DLL3: variants seen among roughly 807,000 people sequenced by gnomAD.
DLL3 encodes delta-like protein 3.
DLL3 carries 49 observed loss-of-function variants against 55.0 expected under a neutral mutation model. That is an observed-to-expected ratio of 0.89 (90% CI 0.71 to 1.13). DLL3 has a LOEUF of 1.13. Ranked by LOEUF, DLL3 falls within the 50% of genes most tolerant of loss-of-function variation. The pLI is 0.00. For missense variants in DLL3, 962 were observed against 875.5 expected (o/e 1.10, Z -1.25); for synonymous variants, 421 against 385.2 (o/e 1.09, Z -1.09).
rs866809563 is a variant in DLL3 at position 39,508,193 on chromosome 19, G to A, written c.1759-59G>A. 7.4e-6 allele frequency: 12 copies of A among 1,613,726 alleles called. No individual in the cohort carries two copies. The Middle Eastern group carries it at 4.9e-4, about 66-fold the overall frequency. On this transcript the variant is annotated intron_variant, in intron 8 of 8. Coordinates refer to ENST00000356433, the MANE Select transcript of DLL3 (RefSeq NM_203486.3). ...CTTTTCCACTGATTGTACTCAGCGG[G>A]GAGGCAGGGGAGGCAGAGGGGCAGC...
Position 39,507,066 on chromosome 19 carries a change from C to T in DLL3, c.1121C>T (p.Ala374Val). Residue 374 changes from alanine to valine, a missense_variant, in exon 7 of 9, where the codon GCC (alanine) becomes GTC (valine). Transcript: ENST00000356433. The part of the protein sequence containing the change: ...NGGLCLDLGH[A>V]LRCRCRAGFA... ...GGACTCTGCCTGGACCTGGGCCACG[C>T]CCTGCGCTGCCGCTGCCGCGCCGGC... 1 of 1,540,754 alleles carries T rather than the reference C, an allele frequency of 6.5e-7. No individual in the cohort carries two copies. The highest frequency in any genetic ancestry group is 8.7e-7 in the Non-Finnish European group (1 of 1,150,286).
chr19:39,504,870 A>C (rs2079631260), intron 5 of DLL3, among the ~76,000 whole-genome samples: 1 of 151,956 alleles, frequency 6.6e-6, no homozygotes, highest in Non-Finnish European at 1.5e-5. Context: ...TGGGAAGGAG[A>C]GATCCAGAGA....
intron 3 of DLL3, among the ~76,000 whole-genome samples, chr19:39,501,537 G>T (rs1217565830): frequency 6.6e-6 from 1 of 152,086 alleles, no homozygotes; most frequent in East Asian, 1.9e-4. Flanking sequence ...GCCCAGGCTG[G>T]TCTCAAACTC....
Position 39,499,466 on chromosome 19 carries a change from C to T in DLL3, c.344C>T (p.Ala115Val), listed in dbSNP as rs1386804146. 1.9e-6 allele frequency: 3 copies of T among 1,589,688 alleles called. No homozygotes were observed. The highest frequency in any genetic ancestry group is 2.6e-6 in the Non-Finnish European group (3 of 1,175,770). Residue 115 changes from alanine (A) to valine (V), a missense_variant, in exon 2 of 9, where the codon GCC becomes GTC. Coordinates refer to ENST00000356433, the MANE Select transcript of DLL3 (RefSeq NM_203486.3). ...DGLLQVPFRD[A>V]WPGTFSFIIE... ...CTCTTGCAGGTGCCCTTCCGGGACGCCTGGCCTGTAAGTGCTGCCCCCGGG... is the reference window on the plus strand; with the variant it reads ...CTCTTGCAGGTGCCCTTCCGGGACGTCTGGCCTGTAAGTGCTGCCCCCGGG...
At chr19:39,503,318 C>A (rs1437935022) in intron 4 of DLL3, among the ~76,000 whole-genome samples, 2 of 152,204 alleles carry the variant, frequency 1.3e-5, no homozygotes, top group East Asian at 1.9e-4. Context: ...CCAGCCCTGC[C>A]TTGCTACTCG....
At chr19:39,505,773 T>C (rs2079637011) in intron 6 of DLL3, 1 of 363,506 alleles carries the variant, frequency 2.8e-6, no homozygotes, top group Non-Finnish European at 5.2e-6. Context: ...AGTGTGGTTA[T>C]ACTGAGATGA....
chr19:39,500,202 A>G (rs2079601399), intron 2 of DLL3, among the ~76,000 whole-genome samples: 1 of 151,360 alleles, frequency 6.6e-6, no homozygotes, highest in Non-Finnish European at 1.5e-5. Context: ...TCTAGGCAGG[A>G]GGATCTCCTG....
chr19:39,508,204 A>T, intron 8 of DLL3, 48 bp from the exon 9 acceptor site: 1 of 1,613,880 alleles, frequency 6.2e-7, no homozygotes, highest in East Asian at 2.2e-5. Flanking sequence ...GAGGCAGGGG[A>T]GGCAGAGGGG....
At chr19:39,500,782 G>C (rs1451775416) in intron 3 of DLL3, 110 bp downstream of exon 3, 1 of 974,580 alleles carries the variant, frequency 1.0e-6, no homozygotes, top group Non-Finnish European at 1.6e-6. Flanking sequence ...CTGGGATGTG[G>C]TGCTGAGTGT....
Position 39,499,407 on chromosome 19 carries a change from A to G in DLL3, c.285A>G (p.Gly95=). Residue 95 remains glycine (G), a synonymous_variant, in exon 2 of 9, where the codon GGA becomes GGG. Transcript: ENST00000356433. ...ARGPVYTEQP[G]APAPDLPLPD... ...GACCGGTCTACACCGAGCAGCCCGG[A>G]GCGCCCGCGCCTGATCTCCCACTGC... 6.3e-7 allele frequency: 1 copy of G among 1,584,762 alleles called. No homozygotes were observed. The highest frequency in any genetic ancestry group is 8.5e-7 in the Non-Finnish European group (1 of 1,173,106).
intron 4 of DLL3, among the ~76,000 whole-genome samples, chr19:39,503,817 C>T (rs762051689): frequency 2.6e-5 from 4 of 152,234 alleles, no homozygotes; most frequent in Admixed American, 1.3e-4. Context: ...GACTCCAGCC[C>T]GATGGCCTGG....
chr19:39,504,096 TG>T lies in DLL3; in HGVS notation c.679del (p.Glu227SerfsTer14). The T allele has an allele frequency of 6.2e-7, 1 of 1,613,420 alleles. No homozygotes were observed. Among genetic ancestry groups the T allele is most frequent in the Non-Finnish European group, 8.5e-7 (1 of 1,180,030 alleles). On this transcript the variant is annotated frameshift_variant, in exon 5 of 9. Coordinates refer to ENST00000356433, the MANE Select transcript of DLL3 (RefSeq NM_203486.3). LOFTEE classifies it high-confidence loss of function. ...PLVCRAGCSP[E>X]HGFCEQPGEC... ...TGGTGTGCCGAGCAGGCTGCAGCCCTGAGCATGGCTTCTGTGAACAGCCCGG... is the reference window on the plus strand; with the variant it reads ...TGGTGTGCCGAGCAGGCTGCAGCCCTAGCATGGCTTCTGTGAACAGCCCGG...
At position 39,505,423 on chromosome 19, in the gene DLL3, C is replaced by G; in HGVS notation, c.1065C>G (p.Asp355Glu). The change falls in exon 6 of 9, where the codon GAC becomes GAG. Residue 355 changes from aspartate (D) to glutamate (E), a missense_variant. Transcript: ENST00000356433. ...GCTCCAACTGTGAGAAGAGGGTGGA[C>G]CGGTGCAGCCTGCAGCCATGCCGCA... ...FQGSNCEKRV[D>E]RCSLQPCRNG... The G allele has an allele frequency of 6.2e-7, 1 of 1,614,008 alleles. No individual in the cohort carries two copies. Among genetic ancestry groups the G allele is most frequent in the Non-Finnish European group, 8.5e-7 (1 of 1,179,990 alleles).
At chr19:39,505,497 G>A in intron 6 of DLL3, 46 bp downstream of exon 6, 2 of 1,606,028 alleles carry the variant, frequency 1.2e-6, no homozygotes, top group Non-Finnish European at 1.7e-6. Context: ...TGGGGGTCCT[G>A]GATGGCTCAG....
Position 39,499,391 on chromosome 19 carries a change from A to T in DLL3, c.269A>T (p.Tyr90Phe). Residue 90 changes from tyrosine (Y) to phenylalanine (F), a missense_variant, in exon 2 of 9, where the codon TAC (tyrosine) becomes TTC (phenylalanine). Coordinates refer to ENST00000356433, the MANE Select transcript of DLL3 (RefSeq NM_203486.3). ...GAALSARGPV[Y>F]TEQPGAPAPD... ...GCGCTGAGTGCGCGCGGACCGGTCT[A>T]CACCGAGCAGCCCGGAGCGCCCGCG... 6.3e-7 allele frequency: 1 copy of T among 1,577,204 alleles called. No individual in the cohort carries two copies. Among genetic ancestry groups the T allele is most frequent in the East Asian group, 2.3e-5 (1 of 43,400 alleles).
At chr19:39,502,759 T>C in intron 3 of DLL3, 56 bp from the exon 4 acceptor site, 1 of 1,312,258 alleles carries the variant, frequency 7.6e-7, no homozygotes, top group South Asian at 2.3e-5. Flanking sequence ...GCGCTCCGTA[T>C]GCATCCATGT....
intron 6 of DLL3, 24 bp from the exon 7 acceptor site, chr19:39,507,015 C>T: frequency 6.5e-7 from 1 of 1,531,990 alleles, no homozygotes. Flanking sequence ...CGGACTGCGC[C>T]CTCTGATGCT....
At position 39,499,234 on chromosome 19, in the gene DLL3, G is replaced by C. The variant is rs770164638; in HGVS notation, c.112G>C (p.Gly38Arg). ...GVFELQIHSFGPGPGPGAPRS... is the reference protein window; with the variant it reads ...GVFELQIHSFRPGPGPGAPRS... Reference sequence around the variant, plus strand: ...CTTCGAGCTGCAGATCCACTCTTTCGGGCCGGGTCCAGGCCCTGGGGCCCC... The same window carrying C: ...CTTCGAGCTGCAGATCCACTCTTTCCGGCCGGGTCCAGGCCCTGGGGCCCC... The change falls in exon 2 of 9, where the codon GGG (glycine) becomes CGG (arginine). Residue 38 changes from glycine (G) to arginine (R), a missense_variant. Gly to Arg is a moderately radical substitution (Grantham distance 125, BLOSUM62 -2). Transcript: ENST00000356433. 1.9e-6 allele frequency: 3 copies of C among 1,551,592 alleles called. No individual in the cohort carries two copies. Among genetic ancestry groups the C allele is most frequent in the Non-Finnish European group, 2.6e-6 (3 of 1,153,628 alleles).
intron 3 of DLL3, 109 bp from the exon 4 acceptor site, chr19:39,502,706 G>T (rs1202354339): frequency 4.0e-6 from 5 of 1,251,488 alleles, no homozygotes; most frequent in Admixed American, 4.3e-5. Context: ...CTCCATGAGG[G>T]TGTTTTGGCC....
Sources: allele counts gnomAD v4.1 joint callset (sites outside exome capture counted in the v4.1 genomes callset), GRCh38; gene constraint gnomAD v4.1.1; transcripts MANE v1.5; gene names NCBI Gene and HGNC (gene_info 2026-07-23, HGNC 2026-07-21).